Variants in FGGY observed in about 807,000 individuals in gnomAD.
FGGY encodes the protein FGGY carbohydrate kinase domain containing.
A neutral mutation model predicts 71.3 loss-of-function variants in FGGY; 72 were observed. The ratio of observed to expected loss-of-function variants is 1.01; its 90% CI spans 0.84 to 1.23. The LOEUF (loss-of-function observed/expected upper bound fraction) is 1.23, where lower values mean the gene tolerates loss of function less well. FGGY is among the 50% of genes most tolerant of loss of function. FGGY has a pLI of 0.00. For synonymous variants in FGGY, 251 were observed against 250.3 expected, an observed-to-expected ratio of 1.00 and a Z score of -0.02; for missense variants, 668 against 682.3, an observed-to-expected ratio of 0.98 and a Z score of 0.23.
chr1:59,297,386 G>A (rs973654806), intron 1 of FGGY, among the ~76,000 whole-genome samples: 1 of 152,220 alleles, frequency 6.6e-6, no homozygotes, highest in African/African-American at 2.4e-5. Context: ...AGTGTTGCTT[G>A]TAGATTTAAA....
At chr1:59,435,843 C>T (rs144770750) in intron 5 of FGGY, among the ~76,000 whole-genome samples, 27 of 151,814 alleles carry the variant, frequency 1.8e-4, no homozygotes, top group African/African-American at 6.3e-4. Flanking sequence ...ATTTTTGTCA[C>T]GTTCACTGCT....
intron 3 of FGGY, among the ~76,000 whole-genome samples, chr1:59,344,707 TA>T (rs2051449993): frequency 1.3e-5 from 2 of 152,206 alleles, no homozygotes; most frequent in African/African-American, 4.8e-5. Flanking sequence ...GTACTTCAGA[TA>T]ATCTCTAGGT....
At chr1:59,401,536 G>C (rs534991974) in intron 5 of FGGY, among the ~76,000 whole-genome samples, 11 of 152,302 alleles carry the variant, frequency 7.2e-5, no homozygotes, top group African/African-American at 2.6e-4. Context: ...TGTTAAACTT[G>C]AGTATATTTC....
intron 6 of FGGY, among the ~76,000 whole-genome samples, chr1:59,488,781 A>G (rs1326285852): frequency 1.3e-5 from 2 of 151,806 alleles, no homozygotes; most frequent in African/African-American, 4.8e-5. Context: ...ATACCTTGTC[A>G]GCATTTTATG....
intron 8 of FGGY, among the ~76,000 whole-genome samples, chr1:59,560,047 A>C (rs910043563): frequency 5.9e-5 from 9 of 152,172 alleles, no homozygotes; most frequent in African/African-American, 1.9e-4. Context: ...GGGGAAGAGT[A>C]ATTTTACATT....
chr1:59,590,773 T>A (rs1476816390), intron 8 of FGGY, among the ~76,000 whole-genome samples: 11 of 152,212 alleles, frequency 7.2e-5, no homozygotes, highest in Non-Finnish European at 1.5e-4. Context: ...AAATTAGGTA[T>A]TGATGGGACG....
intron 5 of FGGY, among the ~76,000 whole-genome samples, chr1:59,380,481 C>T (rs548340536): frequency 8.6e-5 from 13 of 151,646 alleles, no homozygotes; most frequent in East Asian, 3.9e-4. Context: ...TTTTAAAGAT[C>T]GCCATCCTAA....
chr1:59,694,628 A>C (rs2097639233), intron 14 of FGGY, among the ~76,000 whole-genome samples: 1 of 152,072 alleles, frequency 6.6e-6, no homozygotes, highest in South Asian at 2.1e-4. Context: ...TCGATATATT[A>C]AAAAGTATTT....
In FGGY at chr1:59,430,621, C is replaced by T. The variant is rs146863638; in HGVS notation, c.555-26340C>T. ...AGACTTTGCCCAGCTGCCTCTATTC[C>T]CTAGTATGTAGACTTAATAAAAAAT... On this transcript the variant is annotated intron_variant, in intron 5 of 15. Coordinates refer to ENST00000303721, the MANE Select transcript of FGGY (RefSeq NM_018291.5). 3.5e-3 allele frequency among the ~76,000 whole-genome samples: 537 copies of T among 152,106 alleles called. 3 individuals are homozygous for T. The highest frequency in any genetic ancestry group is 0.011 in the African/African-American group (473 of 41,506).
intron 4 of FGGY, among the ~76,000 whole-genome samples, chr1:59,353,801 G>A (rs1268716031): frequency 3.3e-5 from 5 of 152,142 alleles, no homozygotes; most frequent in Non-Finnish European, 4.4e-5. Flanking sequence ...CATGTCAAGA[G>A]CCACACCATT....
chr1:59,695,737 G>C (rs1037083132), intron 14 of FGGY, among the ~76,000 whole-genome samples: 3 of 152,174 alleles, frequency 2.0e-5, no homozygotes, highest in African/African-American at 7.2e-5. Flanking sequence ...CCAGTGCTGG[G>C]CCTGGACCGT....
chr1:59,491,325 T>G (rs1029154841), intron 6 of FGGY, among the ~76,000 whole-genome samples: 1 of 151,740 alleles, frequency 6.6e-6, no homozygotes, highest in Non-Finnish European at 1.5e-5. Flanking sequence ...TATGGTCATT[T>G]AATAATATTA....
At chr1:59,565,377 C>T (rs561486134) in intron 8 of FGGY, among the ~76,000 whole-genome samples, 9 of 152,190 alleles carry the variant, frequency 5.9e-5, no homozygotes, top group East Asian at 3.9e-4. Context: ...CTCTGCCTCC[C>T]GGGTTCACGC....
intron 7 of FGGY, among the ~76,000 whole-genome samples, chr1:59,537,770 G>A (rs1289319041): frequency 1.3e-5 from 2 of 152,088 alleles, no homozygotes; most frequent in Non-Finnish European, 2.9e-5. Flanking sequence ...TTAATAAATG[G>A]TGCTGGGAAA....
At chr1:59,735,950 C>A (rs1008720495) in intron 14 of FGGY, among the ~76,000 whole-genome samples, 5 of 152,282 alleles carry the variant, frequency 3.3e-5, no homozygotes, top group African/African-American at 1.2e-4. Flanking sequence ...TGTGTCCCCA[C>A]CCAAATCTCA....
chr1:59,640,956 T>C lies in FGGY; in HGVS notation c.1221+2581T>C, dbSNP rs956935466. The stretch of plus-strand genomic sequence containing the variant: ...CCATCTTTGGGAGGCAGACAAAATA[T>C]ATAAACAGGGAATGGAAAGATAGTA... On this transcript the variant is annotated intron_variant, in intron 11 of 15. Transcript: ENST00000303721. Among the ~76,000 whole-genome samples, 3 of 150,718 alleles carry C rather than the reference T, an allele frequency of 2.0e-5. No homozygotes were observed. The South Asian group carries it at 6.3e-4, about 32-fold the overall frequency.
At chr1:59,460,577 T>C (rs2092105212) in intron 6 of FGGY, among the ~76,000 whole-genome samples, 1 of 152,176 alleles carries the variant, frequency 6.6e-6, no homozygotes, top group Admixed American at 6.5e-5. Flanking sequence ...GTTTGAGCTC[T>C]GAGAACTGGA....
chr1:59,374,159 C>G (rs963493730), intron 4 of FGGY, among the ~76,000 whole-genome samples: 5 of 152,152 alleles, frequency 3.3e-5, no homozygotes, highest in Non-Finnish European at 5.9e-5. Flanking sequence ...ACTCATCTGA[C>G]AAAGGGCTAA....
chr1:59,474,246 C>T (rs1389349152), intron 6 of FGGY: 1 of 152,164 alleles, frequency 6.6e-6, no homozygotes, highest in East Asian at 1.9e-4. Context: ...TTCCTCCTTT[C>T]AATACGGCAT....
Sources: allele counts gnomAD v4.1 joint callset (sites outside exome capture counted in the v4.1 genomes callset), GRCh38; gene constraint gnomAD v4.1.1; transcripts MANE v1.5; gene names NCBI Gene and HGNC (gene_info 2026-07-23, HGNC 2026-07-21).